TEX14: variants seen among roughly 807,000 people sequenced by gnomAD.
The protein encoded by TEX14 is inactive serine/threonine-protein kinase TEX14.
Under a neutral mutation model 178.6 loss-of-function variants are expected in TEX14, and 168 were observed. That is an observed-to-expected ratio of 0.94 (90% CI 0.83 to 1.07). The LOEUF (loss-of-function observed/expected upper bound fraction) is 1.07, where lower values mean the gene tolerates loss of function less well. Among genes scored for constraint, TEX14 ranks in the 50% least tolerant of loss-of-function variants. The pLI is 0.00. For synonymous variants in TEX14, 626 were observed against 634.1 expected (o/e 0.99, Z 0.19); for missense variants, 1,730 against 1,753.6 (o/e 0.99, Z 0.24).
Position 58,611,231 on chromosome 17 carries a change from T to A in TEX14, c.1114A>T (p.Ser372Cys). ...GAGATGATATGGACAGCATAGGAGC[T>A]GAGGGAGCGGTGGATAAACCCCTGG... ...HFQGFIHRSL[S>C]SYAVHIISPG... Residue 372 changes from serine to cysteine, a missense_variant, in exon 10 of 32, where the codon AGC becomes TGC. By Grantham distance (112) the Ser-to-Cys change is moderately radical (BLOSUM62 -1). Transcript: ENST00000349033. 1 of 1,613,882 alleles carries A rather than the reference T, an allele frequency of 6.2e-7. No individual in the cohort carries two copies.
At chr17:58,678,596 T>A (rs926136861) in intron 1 of TEX14, among the ~76,000 whole-genome samples, 2 of 151,934 alleles carry the variant, frequency 1.3e-5, no homozygotes, top group East Asian at 1.9e-4. Flanking sequence ...ACACCGTATG[T>A]TCTCACTCAT....
chr17:58,667,810 G>A (rs528109705), intron 1 of TEX14, among the ~76,000 whole-genome samples: 1 of 151,808 alleles, frequency 6.6e-6, no homozygotes, highest in African/African-American at 2.4e-5. Flanking sequence ...GCTTGAACCC[G>A]GGAGGCGAAG....
chr17:58,619,317 A>G (rs1405925741), intron 5 of TEX14, among the ~76,000 whole-genome samples: 3 of 152,184 alleles, frequency 2.0e-5, no homozygotes, highest in Non-Finnish European at 2.9e-5. Context: ...ACACATCTAT[A>G]TAACTCGGCT....
At chr17:58,593,752 A>G in intron 14 of TEX14, 91 bp from the exon 15 acceptor site, 1 of 1,085,218 alleles carries the variant, frequency 9.2e-7, no homozygotes. Context: ...TTCTTGCTAA[A>G]TGTATAGAAA....
At chr17:58,559,793 A>G (rs1344099164) in intron 29 of TEX14, among the ~76,000 whole-genome samples, 1 of 152,208 alleles carries the variant, frequency 6.6e-6, no homozygotes, top group Non-Finnish European at 1.5e-5. Context: ...CCATTAAGCA[A>G]TGAGGAAACC....
In TEX14 at chr17:58,615,317, C is replaced by G; in HGVS notation, c.796G>C (p.Val266Leu). ...NLVWNGSRVT[V>L]KELNLPTHPH... ...TGGGTGGGGAGATTCAGCTCTTTCA[C>G]TGTGACCCTGCTCCCATTCCACACT... The change falls in exon 8 of 32, where the codon GTG (valine) becomes CTG (leucine). Residue 266 changes from valine (V) to leucine (L), a missense_variant. By Grantham distance (32) the Val-to-Leu change is conservative (BLOSUM62 1). Around this residue, in one of 2 missense-constraint regions of TEX14, gnomAD observed 789 missense variants for 681.2 expected, o/e 1.16. Transcript: ENST00000349033. The G allele has an allele frequency of 6.2e-7, 1 of 1,613,068 alleles. No individual in the cohort carries two copies. The highest frequency in any genetic ancestry group is 8.5e-7 in the Non-Finnish European group (1 of 1,179,088).
rs756710347 is a variant in TEX14, at chr17:58,621,676, C to T, written c.528G>A (p.Pro176=). The change falls in exon 5 of 32, where the codon CCG becomes CCA. Residue 176 remains proline, a synonymous_variant. Transcript: ENST00000349033. Reference sequence around the variant, plus strand: ...CCTGCACGAGGCCCCCACACCAGGACGGGCTGTAGACAAGCCGCTGCGGGG... The same window carrying T: ...CCTGCACGAGGCCCCCACACCAGGATGGGCTGTAGACAAGCCGCTGCGGGG... ...IDSPQRLVYS[P]SWCGGLVQGN... 5.6e-6 allele frequency: 9 copies of T among 1,613,848 alleles called. No individual in the cohort carries two copies. The highest frequency in any genetic ancestry group is 1.3e-5 in the African/African-American group (1 of 74,920).
At chr17:58,646,624 C>T (rs574747048) in intron 2 of TEX14, among the ~76,000 whole-genome samples, 86 of 152,234 alleles carry the variant, frequency 5.6e-4, no homozygotes, top group Admixed American at 3.2e-3. Flanking sequence ...TGCCATGGCA[C>T]CCGGCTTGGT....
chr17:58,571,234 T>A (rs2044516697), intron 24 of TEX14, among the ~76,000 whole-genome samples: 1 of 90,232 alleles, frequency 1.1e-5, no homozygotes, highest in Non-Finnish European at 2.2e-5. Flanking sequence ...ACTTTTCTTT[T>A]CTTTTTTTTT....
chr17:58,560,476 C>T (rs1174944219), intron 29 of TEX14, among the ~76,000 whole-genome samples: 1 of 152,214 alleles, frequency 6.6e-6, no homozygotes, highest in East Asian at 1.9e-4. Flanking sequence ...TAAAGGCAGG[C>T]AGCTATTTCC....
chr17:58,681,891 C>A (rs2047507341), intron 1 of TEX14, among the ~76,000 whole-genome samples: 1 of 151,974 alleles, frequency 6.6e-6, no homozygotes, highest in Non-Finnish European at 1.5e-5. Flanking sequence ...TCTGGTGGAA[C>A]AACTCATGTA....
chr17:58,596,471 A>G (rs1426249912), intron 14 of TEX14, among the ~76,000 whole-genome samples: 2 of 152,000 alleles, frequency 1.3e-5, no homozygotes, highest in Non-Finnish European at 2.9e-5. Context: ...TTGTAGAAAC[A>G]GGGTTTCGTT....
chr17:58,589,557 CAAAAAAAA>C (rs71143254), intron 15 of TEX14, among the ~76,000 whole-genome samples: 3 of 56,468 alleles, frequency 5.3e-5, no homozygotes, highest in Non-Finnish European at 1.1e-4. Context: ...GACTCCGTCT[CAAAAAAAA>C]AAAAAAAAAA....
At chr17:58,576,834 G>GCAAC (rs1249849891) in intron 21 of TEX14, among the ~76,000 whole-genome samples, 2 of 152,162 alleles carry the variant, frequency 1.3e-5, no homozygotes, top group African/African-American at 2.4e-5. Flanking sequence ...ATTTAGCCAA[G>GCAAC]TTGTTGCATG....
chr17:58,666,735 C>T (rs186886597), intron 1 of TEX14: 1 of 152,234 alleles, frequency 6.6e-6, no homozygotes, highest in East Asian at 1.9e-4. Flanking sequence ...CCGGTGCCGC[C>T]CACATCATTG....
chr17:58,557,991 C>G (rs2044184154), intron 30 of TEX14, 141 bp from the exon 31 acceptor site: 1 of 587,828 alleles, frequency 1.7e-6, no homozygotes, highest in Non-Finnish European at 2.9e-6. Flanking sequence ...CAGATAGACT[C>G]TTTCTAAAAA....
intron 5 of TEX14, among the ~76,000 whole-genome samples, chr17:58,619,388 G>A (rs1035808175): frequency 1.3e-5 from 2 of 152,204 alleles, no homozygotes; most frequent in Non-Finnish European, 2.9e-5. Flanking sequence ...TCAACTCAGT[G>A]CTTTTCTTCT....
At chr17:58,571,729 G>C (rs1429899448) in intron 24 of TEX14, among the ~76,000 whole-genome samples, 192 bp downstream of exon 24, 1 of 152,194 alleles carries the variant, frequency 6.6e-6, no homozygotes, top group African/African-American at 2.4e-5. Flanking sequence ...AGTAACCAGG[G>C]AAGGCTTTAA....
intron 6 of TEX14, 134 bp from the exon 7 acceptor site, chr17:58,616,439 T>C: frequency 1.0e-5 from 3 of 285,850 alleles, no homozygotes; most frequent in Non-Finnish European, 1.3e-5. Flanking sequence ...GCACTGGGCC[T>C]TTTTTTTTTT....
Sources: gnomAD v4.1 joint callset for allele counts (sites outside exome capture counted in the v4.1 genomes callset) on GRCh38, gnomAD v4.1.1 for gene constraint, gnomAD v4.1.1 regional missense constraint, MANE v1.5 for transcripts, NCBI Gene and HGNC (gene_info 2026-07-23, HGNC 2026-07-21) for gene names.